FASTKD2: variants seen among roughly 807,000 people sequenced by gnomAD.
FASTKD2 encodes the protein FAST kinase domain-containing protein 2, mitochondrial.
A neutral mutation model predicts 63.6 loss-of-function variants in FASTKD2; 51 were observed. The observed-to-expected ratio is 0.80, with a 90% CI of 0.64 to 1.01. The LOEUF (loss-of-function observed/expected upper bound fraction) is 1.01, where lower values mean the gene tolerates loss of function less well. Among genes scored for constraint, FASTKD2 ranks in the 50% least tolerant of loss-of-function variants. FASTKD2 has a pLI of 0.00. For synonymous variants in FASTKD2, 284 were observed against 293.4 expected (o/e 0.97, Z 0.33); for missense variants, 786 against 831.1 (o/e 0.95, Z 0.67).
intron 7 of FASTKD2, among the ~76,000 whole-genome samples, chr2:206,784,494 T>C (rs544513888): frequency 6.6e-6 from 1 of 152,244 alleles, no homozygotes; most frequent in Admixed American, 6.5e-5. Flanking sequence ...ATCCAGAGTA[T>C]CTTGCTGGGC....
In FASTKD2 at chr2:206,770,195, G is replaced by GT. The variant is rs1237330382; in HGVS notation, c.881+2dup. Reference sequence around the variant, plus strand: ...TTCATGTTCTACGAACGGGATTCAGGTGAGAACTCTCTTATGCTTTCTTCA... The same window carrying GT: ...TTCATGTTCTACGAACGGGATTCAGGTTGAGAACTCTCTTATGCTTTCTTCA... On this transcript the variant is annotated splice_donor_variant, in intron 3 of 11. Coordinates refer to ENST00000402774, the MANE Select transcript of FASTKD2 (RefSeq NM_001136193.2). LOFTEE classifies it high-confidence loss of function. 1.3e-6 allele frequency: 2 copies of GT among 1,550,210 alleles called. No homozygotes were observed. Among genetic ancestry groups the GT allele is most frequent in the African/African-American group, 2.7e-5 (2 of 73,730 alleles).
intron 7 of FASTKD2, among the ~76,000 whole-genome samples, chr2:206,783,677 T>C (rs958538075): frequency 6.6e-6 from 1 of 152,050 alleles, no homozygotes; most frequent in Non-Finnish European, 1.5e-5. Context: ...AATTGTTACA[T>C]TGAAAATAGA....
Position 206,790,653 on chromosome 2 carries a change from G to A in FASTKD2, c.1980G>A (p.Arg660=), listed in dbSNP as rs1690259839. ...HPRGFLAMKM[R]HLNAMGFHVI... Reference sequence around the variant, plus strand: ...GAGGATTCCTTGCTATGAAAATGCGGCATTTGAATGCAATGGGTTTTCATG... The same window carrying A: ...GAGGATTCCTTGCTATGAAAATGCGACATTTGAATGCAATGGGTTTTCATG... The change falls in exon 11 of 12, where the codon CGG becomes CGA. Residue 660 remains arginine, a synonymous_variant. Transcript: ENST00000402774. The A allele has an allele frequency of 1.9e-6, 3 of 1,610,712 alleles. No homozygotes were observed. The highest frequency in any genetic ancestry group is 1.7e-6 in the Non-Finnish European group (2 of 1,176,976).
Position 206,767,086 on chromosome 2 carries a change from G to T in FASTKD2, c.393G>T (p.Lys131Asn). The T allele has an allele frequency of 1.2e-6, 2 of 1,614,094 alleles. No homozygotes were observed. The highest frequency in any genetic ancestry group is 2.2e-5 in the East Asian group (1 of 44,880). Reference protein sequence around the residue: ...VPVDKSDDELKKVNLNHEVSN... With the variant: ...VPVDKSDDELNKVNLNHEVSN... Reference sequence around the variant, plus strand: ...TTGATAAATCTGATGATGAATTGAAGAAAGTAAACCTTAATCATGAAGTCT... The same window carrying T: ...TTGATAAATCTGATGATGAATTGAATAAAGTAAACCTTAATCATGAAGTCT... The change falls in exon 2 of 12, where the codon AAG becomes AAT. Residue 131 changes from lysine to asparagine, a missense_variant. Lys to Asn is a moderately conservative substitution (Grantham distance 94, BLOSUM62 0). Transcript: ENST00000402774.
chr2:206,770,811 A>T (rs1689657546), intron 3 of FASTKD2, among the ~76,000 whole-genome samples: 1 of 151,834 alleles, frequency 6.6e-6, no homozygotes, highest in Non-Finnish European at 1.5e-5. Flanking sequence ...TTATTCGGGG[A>T]CTATGTGAGG....
At chr2:206,790,260 TCAG>T in intron 10 of FASTKD2, 1 of 319,538 alleles carries the variant, frequency 3.1e-6, no homozygotes. Flanking sequence ...AGATCAGAAA[TCAG>T]CACTACACAG....
At chr2:206,790,917 C>G in intron 11 of FASTKD2, 1 of 487,098 alleles carries the variant, frequency 2.1e-6, no homozygotes, top group Non-Finnish European at 3.7e-6. Flanking sequence ...TTGTTCTGGT[C>G]AGCTTTAATC....
rs1690296013 is a variant in FASTKD2 at position 206,791,865 on chromosome 2, G to A, written c.*63G>A. On this transcript the variant is annotated 3_prime_UTR_variant, in exon 12 of 12. Coordinates refer to ENST00000402774, the MANE Select transcript of FASTKD2 (RefSeq NM_001136193.2). ...TTGTAAAAATTAATAAAGATGACAA[G>A]TCAGTTGTCAATGGAATTGAGCTAT... The A allele has an allele frequency of 1.4e-6, 2 of 1,474,234 alleles. No homozygotes were observed. The highest frequency in any genetic ancestry group is 1.9e-6 in the Non-Finnish European group (2 of 1,066,560). 91.3% of individuals were successfully genotyped at this position (1,474,234 alleles called of 1,614,324 possible).
At position 206,786,872 on chromosome 2, in the gene FASTKD2, G is replaced by A. The variant is rs752248147; in HGVS notation, c.1567G>A (p.Asp523Asn). 2.2e-5 allele frequency: 34 copies of A among 1,549,768 alleles called. No homozygotes were observed. Among genetic ancestry groups the A allele is most frequent in the Non-Finnish European group, 3.0e-5 (34 of 1,141,124 alleles). Residue 523 changes from aspartate to asparagine, a missense_variant, in exon 8 of 12, where the codon GAC becomes AAC. Transcript: ENST00000402774. Reference sequence around the variant, plus strand: ...TCCTTTTAATCAGCTTCTGCAAAAAGACATCATCAGTGAGCTGCTGACATC... The same window carrying A: ...TCCTTTTAATCAGCTTCTGCAAAAAAACATCATCAGTGAGCTGCTGACATC... ...LAPFNQLLQK[D>N]IISELLTSDD...
At chr2:206,779,705 A>C (rs1267231593) in intron 7 of FASTKD2, among the ~76,000 whole-genome samples, 2 of 152,248 alleles carry the variant, frequency 1.3e-5, no homozygotes, top group Non-Finnish European at 2.9e-5. Context: ...GGGTGGGGAT[A>C]CAGAGCCAAA....
At chr2:206,775,821 A>G (rs1252237497) in intron 7 of FASTKD2, among the ~76,000 whole-genome samples, 1 of 151,918 alleles carries the variant, frequency 6.6e-6, no homozygotes, top group Non-Finnish European at 1.5e-5. Flanking sequence ...TTTTCCATGC[A>G]CCATTTTGTA....
Position 206,767,282 on chromosome 2 carries a change from G to A in FASTKD2, c.589G>A (p.Asp197Asn). Reference protein sequence around the residue: ...AMWTIAKRLSDDQKRFEKRLM... With the variant: ...AMWTIAKRLSNDQKRFEKRLM... The stretch of plus-strand genomic sequence containing the variant: ...GTGGACAATTGCCAAAAGACTGTCT[G>A]ATGACCAGAAGCGCTTTGAAAAACG... Residue 197 changes from aspartate (D) to asparagine (N), a missense_variant, in exon 2 of 12, where the codon GAT (aspartate) becomes AAT (asparagine). Asp to Asn is a conservative substitution (Grantham distance 23). Transcript: ENST00000402774. 8 of 1,614,192 alleles carry A rather than the reference G, an allele frequency of 5.0e-6. No individual in the cohort carries two copies. Among genetic ancestry groups the A allele is most frequent in the Non-Finnish European group, 6.8e-6 (8 of 1,180,040 alleles).
rs1002097033 is a variant in FASTKD2, at chr2:206,794,783, T to C, written c.*2981T>C. Among the ~76,000 whole-genome samples, 1 of 152,240 alleles carries C rather than the reference T, an allele frequency of 6.6e-6. No homozygotes were observed. The highest frequency in any genetic ancestry group is 2.4e-5 in the African/African-American group (1 of 41,468). On this transcript the variant is annotated 3_prime_UTR_variant, in exon 12 of 12. Transcript: ENST00000402774. ...GCAATTGAACTATTCATATCAAGTATTTCCAAATAACAATGACATTCCAAT... is the reference window on the plus strand; with the variant it reads ...GCAATTGAACTATTCATATCAAGTACTTCCAAATAACAATGACATTCCAAT...
In FASTKD2 at chr2:206,793,290, G is replaced by C. The variant is rs1424065577; in HGVS notation, c.*1488G>C. On this transcript the variant is annotated 3_prime_UTR_variant, in exon 12 of 12. Coordinates refer to ENST00000402774, the MANE Select transcript of FASTKD2 (RefSeq NM_001136193.2). ...GCAATATGACAACAGCTGCCAGGTTGTATCAATTTATCCAGCTTGCATTTA... is the reference window on the plus strand; with the variant it reads ...GCAATATGACAACAGCTGCCAGGTTCTATCAATTTATCCAGCTTGCATTTA... 6.7e-6 allele frequency among the ~76,000 whole-genome samples: 1 copy of C among 148,484 alleles called. No individual in the cohort carries two copies. Among genetic ancestry groups the C allele is most frequent in the Non-Finnish European group, 1.5e-5 (1 of 67,384 alleles).
intron 2 of FASTKD2, among the ~76,000 whole-genome samples, chr2:206,768,376 A>G (rs1189097095): frequency 1.3e-5 from 2 of 152,166 alleles, no homozygotes; most frequent in African/African-American, 2.4e-5. Context: ...TTAAGAGTGT[A>G]CACTTCTGAC....
At chr2:206,778,108 C>T (rs1322182609) in intron 7 of FASTKD2, among the ~76,000 whole-genome samples, 5 of 151,826 alleles carry the variant, frequency 3.3e-5, no homozygotes, top group South Asian at 2.1e-4. Context: ...CCCAAGTCTT[C>T]GTTTTGTTGG....
intron 7 of FASTKD2, among the ~76,000 whole-genome samples, chr2:206,784,634 T>C (rs966639701): frequency 6.6e-6 from 1 of 152,182 alleles, no homozygotes; most frequent in Non-Finnish European, 1.5e-5. Context: ...ATTAGTGTGC[T>C]CCTTAACTCC....
chr2:206,786,127 G>A (rs972844781), intron 7 of FASTKD2, among the ~76,000 whole-genome samples: 12 of 152,130 alleles, frequency 7.9e-5, no homozygotes, highest in Admixed American at 5.2e-4. Flanking sequence ...TGTTCAAAGG[G>A]TATCTACCAT....
intron 8 of FASTKD2, 39 bp downstream of exon 8, chr2:206,786,938 A>G (rs376203786): frequency 9.0e-7 from 1 of 1,114,436 alleles, no homozygotes; most frequent in African/African-American, 1.6e-5. Context: ...AATTGTGACC[A>G]ATTCTGCACT....
Sources: allele counts gnomAD v4.1 joint callset (sites outside exome capture counted in the v4.1 genomes callset), GRCh38; gene constraint gnomAD v4.1.1; transcripts MANE v1.5; gene names NCBI Gene and HGNC (gene_info 2026-07-23, HGNC 2026-07-21).